SIDT1: variants seen among roughly 807,000 people sequenced by gnomAD.
SIDT1 encodes the protein SID1 transmembrane family, member 1.
Under a neutral mutation model 107.5 loss-of-function variants are expected in SIDT1, and 101 were observed. The observed-to-expected ratio is 0.94, with a 90% CI of 0.80 to 1.11. SIDT1 has a LOEUF of 1.11. SIDT1 is among the 50% of genes least tolerant of loss of function. SIDT1 has a pLI of 0.00. For missense variants in SIDT1, 1,076 were observed against 1,058.2 expected (o/e 1.02, Z -0.23); for synonymous variants, 395 against 398.2 (o/e 0.99, Z 0.10).
chr3:113,610,411 C>G (rs1945649897), intron 17 of SIDT1, among the ~76,000 whole-genome samples: 1 of 152,224 alleles, frequency 6.6e-6, no homozygotes, highest in South Asian at 2.1e-4. Context: ...CTGTCAGACA[C>G]TTAAAGTTTT....
At chr3:113,596,375 A>C (rs999681574) in intron 10 of SIDT1, among the ~76,000 whole-genome samples, 1 of 152,236 alleles carries the variant, frequency 6.6e-6, no homozygotes, top group Non-Finnish European at 1.5e-5. Context: ...ATATGCCTGA[A>C]GTGATTTAAT....
At chr3:113,583,355 C>A (rs1336001756) in intron 6 of SIDT1, 54 bp from the exon 7 acceptor site, 4 of 1,382,446 alleles carry the variant, frequency 2.9e-6, no homozygotes, top group Admixed American at 1.7e-5. Flanking sequence ...CAGGGACTTT[C>A]TCCCTTCTAC....
intron 1 of SIDT1, among the ~76,000 whole-genome samples, chr3:113,563,689 A>G (rs550219222): frequency 1.3e-5 from 2 of 152,346 alleles, no homozygotes; most frequent in South Asian, 2.1e-4. Flanking sequence ...AAAGAGACTC[A>G]AAAGACATAT....
chr3:113,603,908 T>C, intron 12 of SIDT1, 52 bp from the exon 13 acceptor site: 3 of 1,217,612 alleles, frequency 2.5e-6, no homozygotes, highest in Non-Finnish European at 3.6e-6. Flanking sequence ...TTGTATCTCA[T>C]GCATAAAGAG....
Position 113,585,774 on chromosome 3 carries a change from A to G in SIDT1, c.1001+504A>G, listed in dbSNP as rs1035491867. On this transcript the variant is annotated intron_variant, in intron 9 of 24. Coordinates refer to ENST00000264852, the MANE Select transcript of SIDT1 (RefSeq NM_017699.3). Reference sequence around the variant, plus strand: ...GTGTTTTCCTTCTGTTGTAGCATCAATTTTCCAGTAAAATGTCCCTTGGAG... The same window carrying G: ...GTGTTTTCCTTCTGTTGTAGCATCAGTTTTCCAGTAAAATGTCCCTTGGAG... Among the ~76,000 whole-genome samples, 93 of 152,166 alleles carry G rather than the reference A, an allele frequency of 6.1e-4. 1 individual carries two copies. The highest frequency in any genetic ancestry group is 6.1e-3 in the Admixed American group (93 of 15,268).
chr3:113,626,302 A>G, intron 24 of SIDT1, 87 bp downstream of exon 24: 2 of 829,212 alleles, frequency 2.4e-6, no homozygotes, highest in Non-Finnish European at 3.9e-6. Flanking sequence ...ACTTTTTTTT[A>G]TATTCCTCTC....
At chr3:113,543,778 A>G (rs1328308336) in intron 1 of SIDT1, among the ~76,000 whole-genome samples, 2 of 152,196 alleles carry the variant, frequency 1.3e-5, no homozygotes, top group African/African-American at 4.8e-5. Context: ...AAGAACACCA[A>G]TATGCCCTTC....
At chr3:113,625,712 A>G (rs1946805430) in intron 23 of SIDT1, among the ~76,000 whole-genome samples, 1 of 152,074 alleles carries the variant, frequency 6.6e-6, no homozygotes, top group East Asian at 1.9e-4. Context: ...AGAAATGTCT[A>G]TTCAGATCTT....
intron 10 of SIDT1, among the ~76,000 whole-genome samples, chr3:113,593,443 T>C (rs1944324203): frequency 6.6e-6 from 1 of 152,180 alleles, no homozygotes; most frequent in East Asian, 1.9e-4. Flanking sequence ...CTTATGAGAA[T>C]CTAATGCCAT....
chr3:113,540,934 A>G (rs906056028), intron 1 of SIDT1, among the ~76,000 whole-genome samples: 3 of 152,272 alleles, frequency 2.0e-5, no homozygotes, highest in Admixed American at 1.3e-4. Flanking sequence ...TAAGATGACT[A>G]ATTTAGACAA....
In SIDT1 at chr3:113,626,224, A is replaced by G; in HGVS notation, c.2421+9A>G. The G allele has an allele frequency of 3.8e-6, 6 of 1,565,138 alleles. No individual in the cohort carries two copies. Among genetic ancestry groups the G allele is most frequent in the Non-Finnish European group, 5.3e-6 (6 of 1,135,620 alleles). On this transcript the variant is annotated intron_variant, in intron 24 of 24. Transcript: ENST00000264852. ...TGTTTTTCTCATTCTTGGTGAGTTC[A>G]TATCTATCTTTTTGTGACTTTCTTC...
chr3:113,541,402 A>C (rs1452671384), intron 1 of SIDT1, among the ~76,000 whole-genome samples: 2 of 152,144 alleles, frequency 1.3e-5, no homozygotes, highest in African/African-American at 4.8e-5. Context: ...ACTCCTGAGC[A>C]CAAGTGATCC....
intron 24 of SIDT1, among the ~76,000 whole-genome samples, chr3:113,626,893 G>A (rs1392393032): frequency 6.6e-6 from 1 of 152,146 alleles, no homozygotes; most frequent in Admixed American, 6.5e-5. Flanking sequence ...AGACCTACTA[G>A]ATGCCCGGGC....
At chr3:113,563,050 A>G (rs1282226943) in intron 1 of SIDT1, among the ~76,000 whole-genome samples, 2 of 152,242 alleles carry the variant, frequency 1.3e-5, no homozygotes, top group African/African-American at 4.8e-5. Flanking sequence ...TCCCAAAGGA[A>G]GACTTTAAGA....
At chr3:113,605,691 A>AT (rs562796372) in intron 14 of SIDT1, among the ~76,000 whole-genome samples, 21 of 152,072 alleles carry the variant, frequency 1.4e-4, no homozygotes, top group African/African-American at 2.4e-4. Context: ...TTGAAGGTAA[A>AT]TTTTTTTTGT....
intron 1 of SIDT1, among the ~76,000 whole-genome samples, chr3:113,542,739 T>C (rs1391719793): frequency 3.9e-5 from 6 of 152,182 alleles, no homozygotes; most frequent in Non-Finnish European, 8.8e-5. Flanking sequence ...CATGATTTTC[T>C]TTCTGAGATC....
At chr3:113,545,572 C>T (rs1939496610) in intron 1 of SIDT1, among the ~76,000 whole-genome samples, 1 of 152,156 alleles carries the variant, frequency 6.6e-6, no homozygotes, top group Non-Finnish European at 1.5e-5. Flanking sequence ...ATTTCAGTGG[C>T]TTTTAAGGAA....
At chr3:113,620,683 A>C (rs1306307972) in intron 21 of SIDT1, among the ~76,000 whole-genome samples, 1 of 152,154 alleles carries the variant, frequency 6.6e-6, no homozygotes, top group Non-Finnish European at 1.5e-5. Context: ...ATACCATTTA[A>C]CGATTCCTCC....
intron 6 of SIDT1, among the ~76,000 whole-genome samples, 177 bp from the exon 7 acceptor site, chr3:113,583,232 G>A (rs1029359357): frequency 6.6e-6 from 1 of 152,120 alleles, no homozygotes; most frequent in Non-Finnish European, 1.5e-5. Context: ...AATTATCTTA[G>A]AGTGGATAAT....
Sources: gnomAD v4.1 joint callset for allele counts (sites outside exome capture counted in the v4.1 genomes callset) on GRCh38, gnomAD v4.1.1 for gene constraint, MANE v1.5 for transcripts, NCBI Gene and HGNC (gene_info 2026-07-23, HGNC 2026-07-21) for gene names.